The following XKR4 variants were observed in gnomAD, a reference collection of about 807,000 sequenced individuals.
XKR4 encodes XK-related protein 4.
Under a neutral mutation model 53.9 loss-of-function variants are expected in XKR4, and 12 were observed. The observed-to-expected ratio is 0.22, with a 90% CI of 0.14 to 0.36. The LOEUF (loss-of-function observed/expected upper bound fraction) is 0.36. XKR4 is among the 10% of genes least tolerant of loss of function. The probability of loss-of-function intolerance (pLI) is 1.00; values close to 1 mark genes in which losing one functional copy is unlikely to be tolerated. For missense variants in XKR4, 799 were observed against 859.5 expected, an observed-to-expected ratio of 0.93 and a Z score of 0.88; for synonymous variants, 354 against 362.4, an observed-to-expected ratio of 0.98 and a Z score of 0.26.
At chr8:55,222,889 G>A (rs1344942848) in intron 1 of XKR4, among the ~76,000 whole-genome samples, 1 of 152,128 alleles carries the variant, frequency 6.6e-6, no homozygotes, top group Non-Finnish European at 1.5e-5. Flanking sequence ...GCAGGAGTCA[G>A]GCAGCTTCCA....
chr8:55,207,390 A>G (rs553176332), intron 1 of XKR4, among the ~76,000 whole-genome samples: 1 of 152,252 alleles, frequency 6.6e-6, no homozygotes, highest in South Asian at 2.1e-4. Context: ...TTCCTCAAGC[A>G]TCTCCCCAAC....
chr8:55,227,615 A>C (rs1817973580), intron 1 of XKR4, among the ~76,000 whole-genome samples: 1 of 152,308 alleles, frequency 6.6e-6, no homozygotes, highest in Admixed American at 6.5e-5. Flanking sequence ...AACTAATAAG[A>C]CTTGAAAGGG....
intron 1 of XKR4, among the ~76,000 whole-genome samples, chr8:55,269,271 C>T (rs1237814305): frequency 1.3e-5 from 2 of 151,662 alleles, no homozygotes; most frequent in Non-Finnish European, 2.9e-5. Context: ...TTCTCACTCT[C>T]TCTTTTTTTT....
At chr8:55,449,741 C>T (rs1805402060) in intron 2 of XKR4, 4 of 965,628 alleles carry the variant, frequency 4.1e-6, no homozygotes, top group South Asian at 1.3e-5. Context: ...GTCGTAGTAG[C>T]GTAGCTGGTG....
chr8:55,342,662 T>A (rs951473360), intron 1 of XKR4, among the ~76,000 whole-genome samples: 6 of 152,140 alleles, frequency 3.9e-5, no homozygotes, highest in Non-Finnish European at 7.4e-5. Flanking sequence ...CCTGGAATGT[T>A]CTTCCAGATT....
chr8:55,291,885 A>T (rs1434836026), intron 1 of XKR4, among the ~76,000 whole-genome samples: 2 of 152,158 alleles, frequency 1.3e-5, no homozygotes, highest in Non-Finnish European at 1.5e-5. Flanking sequence ...GGTATTTTTT[A>T]AAATCATAAA....
intron 2 of XKR4, among the ~76,000 whole-genome samples, chr8:55,390,452 C>T (rs945403889): frequency 6.6e-6 from 1 of 152,166 alleles, no homozygotes; most frequent in Non-Finnish European, 1.5e-5. Context: ...CATCAACATA[C>T]ATCATAGTTT....
At chr8:55,133,783 A>G (rs1055585055) in intron 1 of XKR4, among the ~76,000 whole-genome samples, 4 of 152,266 alleles carry the variant, frequency 2.6e-5, no homozygotes, top group African/African-American at 9.6e-5. Flanking sequence ...CAATTAAAAG[A>G]GATGGACAGG....
At chr8:55,183,140 T>C (rs1817335981) in intron 1 of XKR4, among the ~76,000 whole-genome samples, 2 of 151,986 alleles carry the variant, frequency 1.3e-5, no homozygotes, top group Non-Finnish European at 2.9e-5. Flanking sequence ...CTGATTAGAG[T>C]TTATCAATTT....
intron 2 of XKR4, among the ~76,000 whole-genome samples, chr8:55,492,152 C>A (rs1806281947): frequency 6.6e-6 from 1 of 152,098 alleles, no homozygotes; most frequent in African/African-American, 2.4e-5. Flanking sequence ...AATTTATTTT[C>A]TTTCTATTTA....
At chr8:55,119,530 A>T (rs1435303471) in intron 1 of XKR4, among the ~76,000 whole-genome samples, 21 of 152,210 alleles carry the variant, frequency 1.4e-4, no homozygotes, top group Admixed American at 1.4e-3. Context: ...TTTGGGGCCA[A>T]ACTAACCAGC....
chr8:55,363,702 G>A (rs1803934239), intron 2 of XKR4, among the ~76,000 whole-genome samples: 1 of 152,088 alleles, frequency 6.6e-6, no homozygotes, highest in Admixed American at 6.5e-5. Flanking sequence ...TTCCTCCTTT[G>A]CCCCGTACCA....
chr8:55,517,888 A>G (rs1316352358), intron 2 of XKR4: 3 of 152,134 alleles, frequency 2.0e-5, no homozygotes, highest in East Asian at 3.8e-4. Flanking sequence ...ATGTTTGTAA[A>G]TGTTCATGAT....
At chr8:55,337,297 T>C (rs968429111) in intron 1 of XKR4, among the ~76,000 whole-genome samples, 1 of 152,062 alleles carries the variant, frequency 6.6e-6, no homozygotes, top group African/African-American at 2.4e-5. Flanking sequence ...TTGAAGAGAG[T>C]GCCCCATTAA....
Position 55,222,212 on chromosome 8 carries a change from G to GTTTCCC in XKR4, c.806+118918_806+118919insTTTCCC, listed in dbSNP as rs199938937. Among the ~76,000 whole-genome samples, 4 of 152,184 alleles carry GTTTCCC rather than the reference G, an allele frequency of 2.6e-5. No homozygotes were observed. In the East Asian group the frequency reaches 7.7e-4, roughly 29 times the overall value. On this transcript the variant is annotated intron_variant, in intron 1 of 2. Transcript: ENST00000327381. ...TGTTTTTCAAACTCATTTAAACCAT[G>GTTTCCC]ACCCAGGGAAACAAAAATTTAATGA... is the stretch of plus-strand genomic sequence containing the variant.
intron 2 of XKR4, among the ~76,000 whole-genome samples, chr8:55,411,687 C>A (rs1293872069): frequency 6.6e-6 from 1 of 152,200 alleles, no homozygotes; most frequent in Admixed American, 6.5e-5. Context: ...TCCTCCCCTC[C>A]CCTGACAATC....
intron 1 of XKR4, among the ~76,000 whole-genome samples, chr8:55,268,203 G>A (rs1182305638): frequency 6.6e-6 from 1 of 152,196 alleles, no homozygotes. Context: ...AACGAATGGA[G>A]AGGGTAACAA....
At position 55,531,690 on chromosome 8, in the gene XKR4, G is replaced by C. The variant is rs1357778659; in HGVS notation, c.*7463G>C. On this transcript the variant is annotated 3_prime_UTR_variant, in exon 3 of 3. Transcript: ENST00000327381. Reference sequence around the variant, plus strand: ...TTGGATAAACTTTGAAGCGATTCTTGAGAACTTATTTCAAGAAAAGGCATG... The same window carrying C: ...TTGGATAAACTTTGAAGCGATTCTTCAGAACTTATTTCAAGAAAAGGCATG... 6.6e-6 allele frequency: 1 copy of C among 152,158 alleles called. No homozygotes were observed. The highest frequency in any genetic ancestry group is 1.9e-4 in the East Asian group (1 of 5,202). The allele number at this position is 152,158 out of a possible 1,614,324, so 9.4% of individuals were successfully genotyped here. A position where few individuals can be genotyped will look rare whatever the true frequency, so the allele number is the denominator to read the frequency against.
At chr8:55,386,694 G>A (rs2129388128) in intron 2 of XKR4, among the ~76,000 whole-genome samples, 2 of 152,320 alleles carry the variant, frequency 1.3e-5, no homozygotes, top group Non-Finnish European at 2.9e-5. Context: ...CTGGAAAAAT[G>A]AAGCCTCTGG....
Sources: gnomAD v4.1 joint callset for allele counts (sites outside exome capture counted in the v4.1 genomes callset) on GRCh38, gnomAD v4.1.1 for gene constraint, MANE v1.5 for transcripts, NCBI Gene and HGNC (gene_info 2026-07-23, HGNC 2026-07-21) for gene names.